Variants in ABCA12 observed in about 807,000 individuals in gnomAD.
The protein encoded by ABCA12 is glucosylceramide transporter ABCA12.
A neutral mutation model predicts 293.5 loss-of-function variants in ABCA12; 156 were observed. The ratio of observed to expected loss-of-function variants is 0.53; its 90% CI spans 0.47 to 0.61. The LOEUF (loss-of-function observed/expected upper bound fraction) is 0.61, where lower values mean the gene tolerates loss of function less well. Ranked by LOEUF, ABCA12 falls within the 20% of genes least tolerant of loss-of-function variation. The pLI is 0.00. For missense variants in ABCA12, 2,797 were observed against 3,090.2 expected (o/e 0.91, Z 2.25); for synonymous variants, 1,063 against 1,108.0 (o/e 0.96, Z 0.81).
At chr2:215,105,943 A>G (rs1702456018) in intron 2 of ABCA12, among the ~76,000 whole-genome samples, 1 of 152,152 alleles carries the variant, frequency 6.6e-6, no homozygotes, top group African/African-American at 2.4e-5. Context: ...AAAAAAACCT[A>G]TGTAAATTTT....
chr2:215,035,346 G>A (rs538793757), intron 8 of ABCA12, among the ~76,000 whole-genome samples: 1 of 152,218 alleles, frequency 6.6e-6, no homozygotes, highest in South Asian at 2.1e-4. Context: ...GTATGTCCTT[G>A]TCTTCTTGAC....
rs1276312600 is a variant in ABCA12 at position 215,138,124 on chromosome 2, C to A, written c.69+16G>T. On this transcript the variant is annotated intron_variant, in intron 1 of 52. Transcript: ENST00000272895. ...TTGCCCCATGACCCATACTCCCACA[C>A]TTTTTTTTAACTCACCGGCTGCCTT... is the stretch of plus-strand genomic sequence containing the variant. 15 of 1,611,338 alleles carry A rather than the reference C, an allele frequency of 9.3e-6. No individual in the cohort carries two copies. The highest frequency in any genetic ancestry group is 2.7e-5 in the African/African-American group (2 of 74,752).
At chr2:215,079,647 C>T (rs532132509) in intron 2 of ABCA12, among the ~76,000 whole-genome samples, 16 of 152,278 alleles carry the variant, frequency 1.1e-4, no homozygotes, top group African/African-American at 3.6e-4. Flanking sequence ...TCACTCAGGT[C>T]AAAATGAGCT....
intron 2 of ABCA12, among the ~76,000 whole-genome samples, chr2:215,101,257 T>G (rs1702350733): frequency 6.6e-6 from 1 of 152,172 alleles, no homozygotes; most frequent in Non-Finnish European, 1.5e-5. Context: ...GATGAGCTGA[T>G]CTAAAATTAT....
intron 37 of ABCA12, 93 bp from the exon 38 acceptor site, chr2:214,968,900 T>G: frequency 9.6e-7 from 1 of 1,044,928 alleles, no homozygotes; most frequent in Non-Finnish European, 1.5e-6. Context: ...AACTTTTTGT[T>G]TCTGTTAGGA....
In ABCA12 at chr2:214,951,038, T is replaced by G; in HGVS notation, c.6693A>C (p.Ile2231=). 1 of 1,614,160 alleles carries G rather than the reference T, an allele frequency of 6.2e-7. No homozygotes were observed. Among genetic ancestry groups the G allele is most frequent in the Non-Finnish European group, 8.5e-7 (1 of 1,180,018 alleles). Residue 2231 remains isoleucine (I), a synonymous_variant, in exon 45 of 53, where the codon ATA becomes ATC. Coordinates refer to ENST00000272895, the MANE Select transcript of ABCA12 (RefSeq NM_173076.3). ...KFNSSHVRET[I]DEDEDVRAER... ...CAGCCCGCACATCTTCATCCTCATCTATTGTCTCCCTTACATGTGAAGAAT... is the reference window on the plus strand; with the variant it reads ...CAGCCCGCACATCTTCATCCTCATCGATTGTCTCCCTTACATGTGAAGAAT...
At chr2:214,982,408 A>AT (rs1462237051) in intron 29 of ABCA12, 25 bp from the exon 30 acceptor site, 8 of 1,584,384 alleles carry the variant, frequency 5.0e-6, no homozygotes, top group Middle Eastern at 1.8e-4. Flanking sequence ...TATGATGGTT[A>AT]TTTTTTTACA....
At chr2:215,125,917 T>C (rs1702911564) in intron 1 of ABCA12, among the ~76,000 whole-genome samples, 1 of 152,198 alleles carries the variant, frequency 6.6e-6, no homozygotes, top group Non-Finnish European at 1.5e-5. Flanking sequence ...TTCAGTATTA[T>C]GTTGGCTGTG....
chr2:214,989,380 C>A lies in ABCA12; in HGVS notation c.3778G>T (p.Asp1260Tyr). Reference sequence around the variant, plus strand: ...GCAATAAGGAAATAAATGAAAGAGTCAGCTAGGATTAGACAGCACAGCCAG... The same window carrying A: ...GCAATAAGGAAATAAATGAAAGAGTAAGCTAGGATTAGACAGCACAGCCAG... ...FGWLCCLILA[D>Y]SFIYFLIAWY... The change falls in exon 26 of 53, where the codon GAC becomes TAC. Residue 1260 changes from aspartate to tyrosine, a missense_variant. Physicochemically the swap from Asp to Tyr is radical, Grantham distance 160. Around this residue, in one of 3 missense-constraint regions of ABCA12, gnomAD observed 2,130 missense variants for 2,427.0 expected, o/e 0.88. Transcript: ENST00000272895. The A allele has an allele frequency of 1.2e-6, 2 of 1,613,386 alleles. No individual in the cohort carries two copies. Among genetic ancestry groups the A allele is most frequent in the Non-Finnish European group, 1.7e-6 (2 of 1,179,850 alleles).
At chr2:214,937,324 G>A (rs1471232709) in intron 51 of ABCA12, among the ~76,000 whole-genome samples, 186 bp downstream of exon 51, 1 of 152,204 alleles carries the variant, frequency 6.6e-6, no homozygotes, top group East Asian at 1.9e-4. Context: ...TCAGCCTCCC[G>A]AGTAGCTGGG....
chr2:215,120,242 A>T (rs1702777694), intron 1 of ABCA12, among the ~76,000 whole-genome samples: 1 of 152,110 alleles, frequency 6.6e-6, no homozygotes, highest in South Asian at 2.1e-4. Flanking sequence ...GGACACACAC[A>T]TGGGAACAAC....
chr2:215,060,900 G>A (rs903784942), intron 3 of ABCA12, among the ~76,000 whole-genome samples: 10 of 152,036 alleles, frequency 6.6e-5, no homozygotes, highest in South Asian at 2.1e-4. Flanking sequence ...TTTAGAAGCC[G>A]CAGGTCATGA....
intron 44 of ABCA12, among the ~76,000 whole-genome samples, chr2:214,953,266 C>T (rs563600157): frequency 4.6e-5 from 7 of 152,218 alleles, no homozygotes; most frequent in East Asian, 1.9e-4. Flanking sequence ...AAATGAAGGA[C>T]GTTTATGTTG....
At chr2:215,092,770 A>T (rs1415208798) in intron 2 of ABCA12, among the ~76,000 whole-genome samples, 1 of 152,146 alleles carries the variant, frequency 6.6e-6, no homozygotes, top group Non-Finnish European at 1.5e-5. Flanking sequence ...CCATAGTGCC[A>T]AACCCATATA....
chr2:215,027,332 C>A (rs1328262661), intron 9 of ABCA12, among the ~76,000 whole-genome samples: 1 of 151,654 alleles, frequency 6.6e-6, no homozygotes, highest in African/African-American at 2.4e-5. Context: ...GGCGACAGAG[C>A]AAGACTCCAT....
chr2:214,967,982 A>C (rs1699302735), intron 38 of ABCA12, among the ~76,000 whole-genome samples: 1 of 152,174 alleles, frequency 6.6e-6, no homozygotes, highest in African/African-American at 2.4e-5. Flanking sequence ...TAAAAGGAAA[A>C]ATAAGTGAGC....
intron 6 of ABCA12, among the ~76,000 whole-genome samples, chr2:215,048,804 T>G (rs1250072525): frequency 6.6e-6 from 1 of 152,136 alleles, no homozygotes; most frequent in Non-Finnish European, 1.5e-5. Flanking sequence ...ACATATACAC[T>G]GCGGAATACT....
chr2:215,016,613 A>AAAAAAAAAACATT (rs1700512044), intron 14 of ABCA12, among the ~76,000 whole-genome samples: 1 of 140,438 alleles, frequency 7.1e-6, no homozygotes. Context: ...AAAAAAAAAA[A>AAAAAAAAAACATT]AGACTTTGCT....
intron 23 of ABCA12, 90 bp from the exon 24 acceptor site, chr2:214,991,121 G>A: frequency 8.5e-7 from 1 of 1,174,482 alleles, no homozygotes; most frequent in East Asian, 2.4e-5. Flanking sequence ...TGTCATGATA[G>A]TCTCTCTGTA....
Sources: gnomAD v4.1 joint callset for allele counts (sites outside exome capture counted in the v4.1 genomes callset) on GRCh38, gnomAD v4.1.1 for gene constraint, gnomAD v4.1.1 regional missense constraint, MANE v1.5 for transcripts, NCBI Gene and HGNC (gene_info 2026-07-23, HGNC 2026-07-21) for gene names.